Variants in KAT6A observed in about 807,000 individuals in gnomAD.
KAT6A encodes the protein histone acetyltransferase KAT6A.
Under a neutral mutation model 198.4 loss-of-function variants are expected in KAT6A, and 9 were observed. That is an observed-to-expected ratio of 0.05 (90% CI 0.03 to 0.08). The LOEUF (loss-of-function observed/expected upper bound fraction) is 0.08. Ranked by LOEUF, KAT6A falls within the 10% of genes least tolerant of loss-of-function variation. The pLI, the probability that KAT6A is intolerant of heterozygous loss-of-function variation, is 1.00. For synonymous variants in KAT6A, 890 were observed against 883.0 expected (o/e 1.01, Z -0.14); for missense variants, 2,077 against 2,509.9 (o/e 0.83, Z 3.69).
chr8:42,039,510 CTGAA>C (rs1827535722), intron 2 of KAT6A, among the ~76,000 whole-genome samples: 2 of 152,112 alleles, frequency 1.3e-5, no homozygotes, highest in African/African-American at 4.8e-5. Context: ...TTCAGGAAGA[CTGAA>C]TGATATAAAT....
intron 2 of KAT6A, among the ~76,000 whole-genome samples, chr8:42,014,107 C>T (rs528158520): frequency 6.6e-6 from 1 of 151,702 alleles, no homozygotes. Flanking sequence ...ATTTTTCAAC[C>T]ATTTAGAATT....
intron 9 of KAT6A, 91 bp downstream of exon 9, chr8:41,955,205 A>G (rs1026020520): frequency 9.9e-6 from 8 of 810,220 alleles, no homozygotes; most frequent in Non-Finnish European, 1.5e-5. Context: ...AATGTAAAGG[A>G]TAAGGTGGAC....
rs1344890882 is a variant in KAT6A, at chr8:41,932,855, T to C, written c.5365A>G (p.Thr1789Ala). ...GATGGAGCCAGCTGAGCCAGTCCTGTATTGGACAGAGAAACACTGGTTGCA... is the reference window on the plus strand; with the variant it reads ...GATGGAGCCAGCTGAGCCAGTCCTGCATTGGACAGAGAAACACTGGTTGCA... ...SYATSVSLSN[T>A]GLAQLAPSHP... The change falls in exon 17 of 17, where the codon ACA becomes GCA. Residue 1789 changes from threonine (T) to alanine (A), a missense_variant. Physicochemically the swap from Thr to Ala is moderately conservative, Grantham distance 58. Coordinates refer to ENST00000265713, the MANE Select transcript of KAT6A (RefSeq NM_006766.5). The C allele has an allele frequency of 1.9e-6, 3 of 1,614,060 alleles. No individual in the cohort carries two copies. In the Admixed American group the frequency reaches 5.0e-5, roughly 27 times the overall value.
chr8:41,937,506 G>A lies in KAT6A; in HGVS notation c.3102C>T (p.Val1034=). The change falls in exon 16 of 17, where the codon GTC becomes GTT. Residue 1034 remains valine (V), a synonymous_variant. Coordinates refer to ENST00000265713, the MANE Select transcript of KAT6A (RefSeq NM_006766.5). The part of the protein sequence containing the change: ...RKRKHHNSSV[V]TETISETTEV... ...CAGTGGTCTCAGAAATAGTTTCTGT[G>A]ACTACACTGCTATTGTGGTGTTTGC... The A allele has an allele frequency of 6.2e-7, 1 of 1,614,164 alleles. No homozygotes were observed. The highest frequency in any genetic ancestry group is 1.1e-5 in the South Asian group (1 of 91,068).
intron 12 of KAT6A, 76 bp from the exon 13 acceptor site, chr8:41,944,055 C>A: frequency 7.5e-6 from 7 of 932,268 alleles, no homozygotes; most frequent in Non-Finnish European, 1.0e-5. Flanking sequence ...AATAACAATC[C>A]CCTCTTCTAC....
chr8:42,030,970 T>A (rs1229155114), intron 2 of KAT6A, among the ~76,000 whole-genome samples: 1 of 129,368 alleles, frequency 7.7e-6, no homozygotes. Context: ...TATTGTTAAG[T>A]GGTGAGAAAA....
Position 41,932,256 on chromosome 8 carries a change from G to A in KAT6A, c.5964C>T (p.Asn1988=), listed in dbSNP as rs150923907. The A allele has an allele frequency of 9.9e-6, 16 of 1,613,658 alleles. No homozygotes were observed. Among genetic ancestry groups the A allele is most frequent in the Admixed American group, 5.0e-5 (3 of 59,960 alleles). Residue 1988 remains asparagine, a synonymous_variant, in exon 17 of 17, where the codon AAC becomes AAT. Transcript: ENST00000265713. ...GTGACTGCTTGGGCACGCCAGCAGC[G>A]TTCATGTAGCTGTGATGGGAGGGGC... ...YTGPSHHSYM[N]AAGVPKQSLN...
chr8:41,947,131 T>C (rs1259523517), intron 11 of KAT6A, among the ~76,000 whole-genome samples: 1 of 152,206 alleles, frequency 6.6e-6, no homozygotes, highest in East Asian at 1.9e-4. Context: ...TTACACAAAA[T>C]AGTCACTTTT....
At chr8:42,035,738 A>G (rs990642486) in intron 2 of KAT6A, among the ~76,000 whole-genome samples, 1 of 152,258 alleles carries the variant, frequency 6.6e-6, no homozygotes, top group African/African-American at 2.4e-5. Flanking sequence ...CTCTAGGGCC[A>G]AAAGCCAGAT....
chr8:41,977,013 G>C lies in KAT6A; in HGVS notation c.1358C>G (p.Pro453Arg). ...GNRKSSTSDW[P>R]TDNQDGWDGK... The stretch of plus-strand genomic sequence containing the variant: ...AGTCTGTTCTAAACTCTTACCTGTG[G>C]GCCAATCTGAAGTGCTTGATTTCCT... The change falls in exon 7 of 17, where the codon CCC (proline) becomes CGC (arginine). Residue 453 changes from proline (P) to arginine (R), a missense_variant. Physicochemically the swap from Pro to Arg is moderately radical, Grantham distance 103 (BLOSUM62 -2). Coordinates refer to ENST00000265713, the MANE Select transcript of KAT6A (RefSeq NM_006766.5). 6.9e-6 allele frequency: 11 copies of C among 1,599,578 alleles called. No individual in the cohort carries two copies. The highest frequency in any genetic ancestry group is 9.4e-6 in the Non-Finnish European group (11 of 1,171,778).
At position 42,004,907 on chromosome 8, in the gene KAT6A, G is replaced by A. The variant is rs986059056; in HGVS notation, c.601-17344C>T. Among the ~76,000 whole-genome samples, 19 of 151,602 alleles carry A rather than the reference G, an allele frequency of 1.3e-4. No homozygotes were observed. The East Asian group carries it at 1.4e-3, about 11-fold the overall frequency. On this transcript the variant is annotated intron_variant, in intron 2 of 16. Coordinates refer to ENST00000265713, the MANE Select transcript of KAT6A (RefSeq NM_006766.5). ...CACGCCATTGCACTCCAGCCTGGGC[G>A]ACAAGAGTGAAACTCCGTCTCTAAA... is the stretch of plus-strand genomic sequence containing the variant.
At chr8:41,992,141 C>T (rs898792413) in intron 2 of KAT6A, among the ~76,000 whole-genome samples, 2 of 151,278 alleles carry the variant, frequency 1.3e-5, no homozygotes, top group Non-Finnish European at 2.9e-5. Context: ...GTCAAGGCTG[C>T]GGTGAGCCAT....
intron 3 of KAT6A, among the ~76,000 whole-genome samples, chr8:41,982,421 T>C (rs958977559): frequency 2.0e-5 from 3 of 152,248 alleles, no homozygotes; most frequent in African/African-American, 7.2e-5. Context: ...GTGCTGTCAT[T>C]TTTTAAATGA....
chr8:42,033,168 T>A (rs1189404314), intron 2 of KAT6A, among the ~76,000 whole-genome samples: 1 of 152,138 alleles, frequency 6.6e-6, no homozygotes, highest in Non-Finnish European at 1.5e-5. Context: ...CCACTGTGCC[T>A]GGCCAAACCT....
chr8:42,029,265 T>C (rs1826989843), intron 2 of KAT6A, among the ~76,000 whole-genome samples: 2 of 152,226 alleles, frequency 1.3e-5, no homozygotes, highest in Non-Finnish European at 2.9e-5. Context: ...GAACACCTTA[T>C]GGACTGAATC....
intron 16 of KAT6A, among the ~76,000 whole-genome samples, chr8:41,935,783 A>C (rs1157558104): frequency 6.6e-6 from 1 of 152,224 alleles, no homozygotes; most frequent in Non-Finnish European, 1.5e-5. Context: ...CAAAAATCTA[A>C]GTCCATGGGA....
At chr8:41,957,726 C>T (rs1822993579) in intron 8 of KAT6A, 1 of 157,454 alleles carries the variant, frequency 6.4e-6, no homozygotes, top group Non-Finnish European at 1.4e-5. Context: ...TGGGCTAAAC[C>T]AAAAGAAAAC....
chr8:41,976,012 G>C (rs1824032322), intron 7 of KAT6A, among the ~76,000 whole-genome samples: 1 of 152,182 alleles, frequency 6.6e-6, no homozygotes, highest in Non-Finnish European at 1.5e-5. Context: ...GAAGAGTCTT[G>C]AATGCTTAAA....
intron 9 of KAT6A, among the ~76,000 whole-genome samples, chr8:41,949,913 A>T (rs2150867972): frequency 6.6e-6 from 1 of 152,282 alleles, no homozygotes; most frequent in East Asian, 1.9e-4. Flanking sequence ...TTCCCATATA[A>T]CCTCACATCT....
Sources: allele counts gnomAD v4.1 joint callset (sites outside exome capture counted in the v4.1 genomes callset), GRCh38; gene constraint gnomAD v4.1.1; transcripts MANE v1.5; gene names NCBI Gene and HGNC (gene_info 2026-07-23, HGNC 2026-07-21).